Variants in STOX2 observed in about 807,000 individuals in gnomAD.
STOX2 encodes the protein storkhead-box protein 2.
STOX2 carries 28 observed loss-of-function variants against 60.9 expected under a neutral mutation model. That is an observed-to-expected ratio of 0.46 (90% CI 0.34 to 0.63). The LOEUF (loss-of-function observed/expected upper bound fraction) is 0.63. STOX2 is among the 30% of genes least tolerant of loss of function. The pLI is 0.01. For synonymous variants in STOX2, 472 were observed against 463.9 expected (o/e 1.02, Z -0.22); for missense variants, 1,024 against 1,187.7 (o/e 0.86, Z 2.03).
At chr4:183,901,901 A>G (rs1166845954), upstream of STOX2, among the ~76,000 whole-genome samples, 1 of 152,088 alleles carries the variant, frequency 6.6e-6, no homozygotes, top group Non-Finnish European at 1.5e-5. Context: ...TTCTCTGTTG[A>G]CAGTGTCTTC....
In STOX2 at chr4:184,010,917, G is replaced by C; in HGVS notation, c.2079G>C (p.Lys693Asn). 6.2e-7 allele frequency: 1 copy of C among 1,613,394 alleles called. No individual in the cohort carries two copies. Among genetic ancestry groups the C allele is most frequent in the Non-Finnish European group, 8.5e-7 (1 of 1,179,612 alleles). ...HHGAEPSSLD[K>N]RKEIFSKDTL... The stretch of plus-strand genomic sequence containing the variant: ...GTGCCGAGCCCAGCAGCTTGGACAA[G>C]AGGAAAGAGATATTTAGCAAAGACA... The change falls in exon 3 of 4, where the codon AAG becomes AAC. Residue 693 changes from lysine to asparagine, a missense_variant. By Grantham distance (94) the Lys-to-Asn change is moderately conservative (BLOSUM62 0). Around this residue, in one of 3 missense-constraint regions of STOX2, gnomAD observed 922 missense variants for 1,058.3 expected, o/e 0.87. Transcript: ENST00000308497. This position sits in a 1 kb window ranked among gnomAD's most constrained non-coding sequence, Gnocchi z 4.5.
chr4:183,835,122 A>G (rs1189044187), intron 1 of STOX2, among the ~76,000 whole-genome samples: 1 of 141,164 alleles, frequency 7.1e-6, no homozygotes. Context: ...CAAGTTACCT[A>G]TTTTTTTTTT....
At position 183,806,194 on chromosome 4, in the gene STOX2, C is replaced by T. The variant is rs1006324152; in HGVS notation, c.364+8139C>T. Among the ~76,000 whole-genome samples the T allele has an allele frequency of 6.6e-5, 10 of 152,264 alleles. No individual in the cohort carries two copies. Among genetic ancestry groups the T allele is most frequent in the African/African-American group, 2.4e-4 (10 of 41,556 alleles). ...TAAACACGATTAAAGACTCCATTTTCCCAATTTATTGTGAAGGCCCTGTAA... is the reference window on the plus strand; with the variant it reads ...TAAACACGATTAAAGACTCCATTTTTCCAATTTATTGTGAAGGCCCTGTAA... On this transcript the variant is annotated intron_variant, in intron 1 of 2. Coordinates refer to the STOX2 transcript ENST00000513034. This position sits in a 1 kb window ranked among gnomAD's most constrained non-coding sequence, Gnocchi z 4.1.
chr4:184,001,614 C>T lies in STOX2; in HGVS notation c.319+137C>T. 1.3e-6 allele frequency: 1 copy of T among 795,156 alleles called. No individual in the cohort carries two copies. The highest frequency in any genetic ancestry group is 1.8e-6 in the Non-Finnish European group (1 of 550,726). The allele number at this position is 795,156 out of a possible 1,614,324, so 49.3% of individuals were successfully genotyped here. ...CAAAACTGACCCGAAGCTTTCCTTA[C>T]TTCTGTAATTAAAAATTCAGGCACC... On this transcript the variant is annotated intron_variant, in intron 2 of 3. Transcript: ENST00000308497. The surrounding 1 kb of genome is among the most constrained non-coding windows in gnomAD (Gnocchi z 4.2).
At chr4:183,799,057 C>T (rs1738700753) in intron 1 of STOX2, among the ~76,000 whole-genome samples, 1 of 152,202 alleles carries the variant, frequency 6.6e-6, no homozygotes, top group Non-Finnish European at 1.5e-5. Context: ...CGCCTTTTCT[C>T]GTTACCCGCT....
chr4:184,023,208 G>A lies in STOX2; in HGVS notation c.*5924G>A, dbSNP rs1222336813. The A allele has an allele frequency of 6.6e-6, 1 of 152,110 alleles. No individual in the cohort carries two copies. Among genetic ancestry groups the A allele is most frequent in the Non-Finnish European group, 1.5e-5 (1 of 68,024 alleles). The allele number at this position is 152,110 out of a possible 1,614,324, so 9.4% of individuals were successfully genotyped here. ...GTTGCTGTAAAGGTCATCCAAGATG[G>A]ATGTTCTGTTTATATTGTATAGTAT... On this transcript the variant is annotated 3_prime_UTR_variant, in exon 4 of 4. Coordinates refer to ENST00000308497, the MANE Select transcript of STOX2 (RefSeq NM_020225.3).
chr4:183,883,076 C>G (rs1220431895), intron 1 of STOX2, among the ~76,000 whole-genome samples: 1 of 151,904 alleles, frequency 6.6e-6, no homozygotes, highest in African/African-American at 2.4e-5. Flanking sequence ...AAAAACAAAC[C>G]CAATATCCGG....
At chr4:183,890,584 G>A (rs1741186605) in intron 1 of STOX2, among the ~76,000 whole-genome samples, 1 of 151,924 alleles carries the variant, frequency 6.6e-6, no homozygotes, top group Non-Finnish European at 1.5e-5. Flanking sequence ...AAGGGAGGGA[G>A]GGATGATGGA....
intron 1 of STOX2, among the ~76,000 whole-genome samples, chr4:183,966,831 T>G (rs1011270222): frequency 6.6e-6 from 1 of 152,240 alleles, no homozygotes; most frequent in African/African-American, 2.4e-5. Flanking sequence ...ATTTTGCTTT[T>G]TTCTTTTCCT....
intron 1 of STOX2, among the ~76,000 whole-genome samples, chr4:183,838,221 TTAAA>T (rs954996681): frequency 1.4e-4 from 21 of 150,496 alleles, no homozygotes; most frequent in African/African-American, 3.9e-4. Context: ...ATTGAAATAC[TTAAA>T]TAATTCAATA....
At chr4:183,901,621 G>A (rs1176937727), upstream of STOX2, among the ~76,000 whole-genome samples, 1 of 147,604 alleles carries the variant, frequency 6.8e-6, no homozygotes, top group Non-Finnish European at 1.5e-5. Flanking sequence ...TTTGATAGTA[G>A]CCGTCCTAAT....
At chr4:183,901,594 G>GGTTTT (rs1362162335), upstream of STOX2, among the ~76,000 whole-genome samples, 1,804 of 135,744 alleles carry the variant, frequency 0.013, 48 homozygotes, top group African/African-American at 0.052. Context: ...CTGGTTTTTG[G>GGTTTT]GTATTTTTTT....
intron 1 of STOX2, among the ~76,000 whole-genome samples, chr4:183,864,346 T>A (rs1055441760): frequency 3.9e-5 from 6 of 152,132 alleles, no homozygotes; most frequent in African/African-American, 1.2e-4. Flanking sequence ...AGAAGAGTAA[T>A]CTCTATGAAA....
chr4:183,854,825 A>G (rs1162343355), intron 1 of STOX2, among the ~76,000 whole-genome samples: 2 of 152,228 alleles, frequency 1.3e-5, no homozygotes, highest in African/African-American at 4.8e-5. Flanking sequence ...TCTATCCAAC[A>G]CATATGGAAG....
chr4:184,008,998 G>A (rs989769197), intron 2 of STOX2, among the ~76,000 whole-genome samples, 160 bp from the exon 3 acceptor site: 15 of 152,130 alleles, frequency 9.9e-5, no homozygotes, highest in African/African-American at 2.7e-4. Context: ...CCAAGAAGGC[G>A]AGGATTTGCA....
At chr4:183,922,557 G>T (rs979742122) in intron 1 of STOX2, among the ~76,000 whole-genome samples, 2 of 151,956 alleles carry the variant, frequency 1.3e-5, no homozygotes, top group Non-Finnish European at 2.9e-5. Flanking sequence ...TCTTGGCCAG[G>T]CTGGTCTTGA....
intron 1 of STOX2, among the ~76,000 whole-genome samples, chr4:183,949,982 T>A (rs182217428): frequency 1.3e-3 from 198 of 152,356 alleles, no homozygotes; most frequent in African/African-American, 4.5e-3. Context: ...CTACTGACAG[T>A]TAACACCATG....
intron 1 of STOX2, among the ~76,000 whole-genome samples, chr4:183,892,021 G>A (rs1009141404): frequency 3.3e-5 from 5 of 152,172 alleles, no homozygotes; most frequent in Non-Finnish European, 5.9e-5. Context: ...TGGGAGTAGA[G>A]GTGCTGGGAT....
At chr4:183,886,110 A>G (rs10004707) in intron 1 of STOX2, among the ~76,000 whole-genome samples, 2,083 of 5,558 alleles carry the variant, frequency 0.37, 435 homozygotes, top group Middle Eastern at 0.57. Flanking sequence ...GCAGATGCAA[A>G]ATCAGGAGGG....
Sources: allele counts gnomAD v4.1 joint callset (sites outside exome capture counted in the v4.1 genomes callset), GRCh38; gene constraint gnomAD v4.1.1; regional missense constraint gnomAD v4.1.1; non-coding constraint Gnocchi (gnomAD v3.1); transcripts MANE v1.5; gene names NCBI Gene and HGNC (gene_info 2026-07-23, HGNC 2026-07-21).